Variants in HIVEP3 observed in about 807,000 individuals in gnomAD.
The protein encoded by HIVEP3 is transcription factor HIVEP3.
A neutral mutation model predicts 152.8 loss-of-function variants in HIVEP3; 49 were observed. That is an observed-to-expected ratio of 0.32 (90% confidence interval 0.26 to 0.41). The LOEUF is 0.41. HIVEP3 is among the 10% of genes least tolerant of loss of function. The pLI, the probability that HIVEP3 is intolerant of heterozygous loss-of-function variation, is 1.00. For missense variants in HIVEP3, 2,790 were observed against 3,103.3 expected (o/e 0.90, Z 2.40); for synonymous variants, 1,269 against 1,289.0 (o/e 0.98, Z 0.33).
intron 3 of HIVEP3, among the ~76,000 whole-genome samples, chr1:41,622,456 T>TA (rs1226700007): frequency 1.3e-5 from 2 of 152,228 alleles, no homozygotes; most frequent in Admixed American, 1.3e-4. Flanking sequence ...GCTAAGGGTC[T>TA]GGATTCATCC....
intron 3 of HIVEP3, among the ~76,000 whole-genome samples, chr1:41,620,474 C>A (rs951501737): frequency 2.0e-5 from 3 of 152,202 alleles, no homozygotes; most frequent in African/African-American, 7.2e-5. Flanking sequence ...CTGAGCACTT[C>A]TCTGACTCTT....
At chr1:41,996,249 C>T (rs960600574) in intron 1 of HIVEP3, among the ~76,000 whole-genome samples, 1 of 151,696 alleles carries the variant, frequency 6.6e-6, no homozygotes, top group African/African-American at 2.4e-5. Context: ...AATAGCTGAG[C>T]GTGGTGGTGT....
At position 41,662,722 on chromosome 1, in the gene HIVEP3, C is replaced by A. The variant is rs967422782; in HGVS notation, c.-720-33775G>T. 6.6e-6 allele frequency among the ~76,000 whole-genome samples: 1 copy of A among 151,774 alleles called. No homozygotes were observed. Among genetic ancestry groups the A allele is most frequent in the African/African-American group, 2.4e-5 (1 of 41,362 alleles). On this transcript the variant is annotated intron_variant, in intron 2 of 8. Transcript: ENST00000372583. This position sits in a 1 kb window ranked among gnomAD's most constrained non-coding sequence, Gnocchi z 7.2. ...GCCGCCCCTCCCTCCGCGCCCGCCCCGGCTCCGGCGCTGTCTTTTCCTCCT... is the reference window on the plus strand; with the variant it reads ...GCCGCCCCTCCCTCCGCGCCCGCCCAGGCTCCGGCGCTGTCTTTTCCTCCT...
chr1:41,831,406 T>A (rs1030635573), intron 1 of HIVEP3, among the ~76,000 whole-genome samples: 2 of 152,224 alleles, frequency 1.3e-5, no homozygotes, highest in African/African-American at 4.8e-5. Flanking sequence ...CAGCATCCTA[T>A]AATTTTACAT....
chr1:41,731,656 G>T (rs1646841868), intron 1 of HIVEP3, among the ~76,000 whole-genome samples: 1 of 152,228 alleles, frequency 6.6e-6, no homozygotes, highest in Admixed American at 6.5e-5. Context: ...CCCATGTGGG[G>T]AAGAATGGAG....
chr1:41,582,689 C>A lies in HIVEP3; in HGVS notation c.2109G>T (p.Leu703=). 1 of 1,614,146 alleles carries A rather than the reference C, an allele frequency of 6.2e-7. No homozygotes were observed. The change falls in exon 4 of 9, where the codon CTG becomes CTT. Residue 703 remains leucine (L), a synonymous_variant. Transcript: ENST00000372583. This position sits in a 1 kb window ranked among gnomAD's most constrained non-coding sequence, Gnocchi z 4.7. Reference sequence around the variant, plus strand: ...GTGGAGTGAGTTCCAGGGTGGTTCCCAGTTTGTAATGCATCATTTGGGACC... The same window carrying A: ...GTGGAGTGAGTTCCAGGGTGGTTCCAAGTTTGTAATGCATCATTTGGGACC... ...EPWSQMMHYK[L]GTTLELTPLR...
intron 2 of HIVEP3, among the ~76,000 whole-genome samples, chr1:41,653,375 T>C (rs1208631130): frequency 1.3e-5 from 2 of 152,142 alleles, no homozygotes; most frequent in African/African-American, 4.8e-5. Context: ...AGATACCCAA[T>C]GCACTTCTGC....
intron 1 of HIVEP3, among the ~76,000 whole-genome samples, chr1:41,934,393 T>C (rs1645010169): frequency 6.6e-6 from 1 of 152,158 alleles, no homozygotes; most frequent in Admixed American, 6.6e-5. Flanking sequence ...ACCTATCTCT[T>C]CCTCGATTTT....
intron 1 of HIVEP3, among the ~76,000 whole-genome samples, chr1:41,766,207 T>TG (rs1204873625): frequency 6.6e-6 from 1 of 152,220 alleles, no homozygotes; most frequent in African/African-American, 2.4e-5. Flanking sequence ...TGCTTTCAAC[T>TG]GGGGGTGTCT....
intron 1 of HIVEP3, among the ~76,000 whole-genome samples, chr1:41,781,672 A>G (rs1030715537): frequency 1.3e-4 from 20 of 152,206 alleles, no homozygotes; most frequent in African/African-American, 4.6e-4. Flanking sequence ...AATGGGATAG[A>G]GAAAGGTGTT....
intron 1 of HIVEP3, among the ~76,000 whole-genome samples, chr1:41,843,265 A>G (rs1218491884): frequency 3.3e-5 from 5 of 152,272 alleles, no homozygotes; most frequent in Non-Finnish European, 7.3e-5. Flanking sequence ...AATATTCCAA[A>G]TACAGTTTCT....
chr1:41,634,444 C>T (rs547536922), intron 2 of HIVEP3, among the ~76,000 whole-genome samples: 20 of 151,438 alleles, frequency 1.3e-4, no homozygotes, highest in Non-Finnish European at 2.5e-4. Flanking sequence ...TTAATTTAGC[C>T]AAGAGTGGGA....
At chr1:41,869,676 C>A (rs783432) in intron 1 of HIVEP3, 119,168 of 152,176 alleles carry the variant, frequency 0.78, 47,015 homozygotes, top group East Asian at 1. Flanking sequence ...AACAAAGGGA[C>A]ACACAGAAAC....
chr1:41,928,703 T>C (rs1644980316), intron 1 of HIVEP3, among the ~76,000 whole-genome samples: 2 of 152,200 alleles, frequency 1.3e-5, no homozygotes, highest in Admixed American at 1.3e-4. Flanking sequence ...GAAGAGTACT[T>C]GGCAGGTATT....
At chr1:42,012,969 C>T (rs72672723) in intron 1 of HIVEP3, among the ~76,000 whole-genome samples, 11,048 of 152,256 alleles carry the variant, frequency 0.073, 622 homozygotes, top group East Asian at 0.19. Context: ...CATGGCAAAA[C>T]TTTATGCCTT....
chr1:41,608,819 C>A (rs888122716), intron 3 of HIVEP3, among the ~76,000 whole-genome samples: 20 of 151,908 alleles, frequency 1.3e-4, no homozygotes, highest in Non-Finnish European at 2.2e-4. Context: ...CACCTGTAAT[C>A]CCAGCACTTT....
At chr1:41,761,794 G>C (rs1322038930) in intron 1 of HIVEP3, among the ~76,000 whole-genome samples, 1 of 152,226 alleles carries the variant, frequency 6.6e-6, no homozygotes, top group Admixed American at 6.5e-5. Context: ...TTGTGCATGT[G>C]CACTTATGCA....
intron 1 of HIVEP3, among the ~76,000 whole-genome samples, chr1:41,925,917 C>G (rs540698591): frequency 6.6e-6 from 1 of 152,180 alleles, no homozygotes; most frequent in Non-Finnish European, 1.5e-5. Flanking sequence ...AGAACAGGTT[C>G]TAGCCAATGG....
intron 1 of HIVEP3, among the ~76,000 whole-genome samples, chr1:41,876,263 C>A (rs1644169728): frequency 3.9e-5 from 6 of 152,014 alleles, no homozygotes; most frequent in Admixed American, 3.9e-4. Flanking sequence ...TTTTGGGAGT[C>A]ACAGTGTTGG....
Sources: allele counts gnomAD v4.1 joint callset (sites outside exome capture counted in the v4.1 genomes callset), GRCh38; gene constraint gnomAD v4.1.1; non-coding constraint Gnocchi (gnomAD v3.1); transcripts MANE v1.5; gene names NCBI Gene and HGNC (gene_info 2026-07-23, HGNC 2026-07-21).